WWP1: variants seen among roughly 807,000 people sequenced by gnomAD.
The protein encoded by WWP1 is WW domain containing E3 ubiquitin protein ligase 1, also known as NEDD4-like E3 ubiquitin-protein ligase WWP1.
Under a neutral mutation model 130.6 loss-of-function variants are expected in WWP1, and 49 were observed. The observed-to-expected ratio is 0.38, with a 90% CI of 0.30 to 0.48. The LOEUF (loss-of-function observed/expected upper bound fraction) is 0.48. Among genes scored for constraint, WWP1 ranks in the 20% least tolerant of loss-of-function variants. The pLI is 0.99. For synonymous variants in WWP1, 332 were observed against 367.8 expected (o/e 0.90, Z 1.11); for missense variants, 809 against 1,100.6 (o/e 0.74, Z 3.75).
rs1809973681 is a variant in WWP1, at chr8:86,431,489, G to T, written c.1471G>T (p.Gly491Cys). The T allele has an allele frequency of 6.2e-7, 1 of 1,611,504 alleles. No homozygotes were observed. Among genetic ancestry groups the T allele is most frequent in the African/African-American group, 1.3e-5 (1 of 74,730 alleles). The change falls in exon 13 of 25, where the codon GGC becomes TGC. Residue 491 changes from glycine to cysteine, a missense_variant and splice_region_variant. By Grantham distance (159) the Gly-to-Cys change is radical. This residue lies in a region of WWP1 where 450 missense variants were observed against 674.2 expected (regional missense o/e 0.67). Coordinates refer to ENST00000517970, the MANE Select transcript of WWP1 (RefSeq NM_007013.4). ...CCAGTGGGAAGATCCAAGAACTCAA[G>T]GGTATGTATATACAGCAGCCTTAAG... is the stretch of plus-strand genomic sequence containing the variant. ...TTQWEDPRTQ[G>C]LQNEEPLPEG...
chr8:86,458,041 T>G lies in WWP1; in HGVS notation c.2499+16T>G. 1.9e-6 allele frequency: 3 copies of G among 1,595,586 alleles called. No homozygotes were observed. Among genetic ancestry groups the G allele is most frequent in the Non-Finnish European group, 2.6e-6 (3 of 1,165,108 alleles). On this transcript the variant is annotated intron_variant, in intron 22 of 24. Transcript: ENST00000517970. ...GTTTTGGCAGGTATTTGCTTTTATCTTTTTTGAAACAAAGTACTCAACATA... is the reference window on the plus strand; with the variant it reads ...GTTTTGGCAGGTATTTGCTTTTATCGTTTTTGAAACAAAGTACTCAACATA...
chr8:86,464,852 G>C (rs61106663), intron 24 of WWP1, among the ~76,000 whole-genome samples: 40,988 of 151,894 alleles, frequency 0.27, 6,392 homozygotes, highest in East Asian at 0.53. Flanking sequence ...GGAGTCCTGT[G>C]ACCAAAATTT....
chr8:86,354,946 TA>T (rs1554552267), intron 1 of WWP1, among the ~76,000 whole-genome samples: 2 of 152,044 alleles, frequency 1.3e-5, no homozygotes, highest in Non-Finnish European at 2.9e-5. Flanking sequence ...CACCTTTTTT[TA>T]AAAAAACCCT....
chr8:86,456,906 A>C (rs1356717894), intron 21 of WWP1, among the ~76,000 whole-genome samples: 1 of 151,996 alleles, frequency 6.6e-6, no homozygotes, highest in African/African-American at 2.4e-5. Context: ...TATATATGAC[A>C]TTCTTAAAAG....
At chr8:86,362,635 A>T (rs1823737964) in intron 1 of WWP1, among the ~76,000 whole-genome samples, 1 of 152,072 alleles carries the variant, frequency 6.6e-6, no homozygotes, top group Admixed American at 6.6e-5. Context: ...CTGTTTGATG[A>T]CCAAAAAAGG....
intron 8 of WWP1, among the ~76,000 whole-genome samples, chr8:86,409,107 C>T (rs1046957579): frequency 6.6e-5 from 10 of 151,628 alleles, no homozygotes; most frequent in Non-Finnish European, 1.5e-4. Context: ...ATATTCTTTC[C>T]AATGTTGTTA....
chr8:86,462,344 C>A (rs1811814726), intron 24 of WWP1, among the ~76,000 whole-genome samples: 1 of 152,066 alleles, frequency 6.6e-6, no homozygotes, highest in South Asian at 2.1e-4. Flanking sequence ...AAAGAGCATT[C>A]TTTGAACAGA....
chr8:86,460,474 A>G (rs576400350), intron 22 of WWP1, among the ~76,000 whole-genome samples: 48 of 152,314 alleles, frequency 3.2e-4, no homozygotes, highest in Non-Finnish European at 5.9e-4. Flanking sequence ...GATTCTACCT[A>G]TCTCATAGAA....
Position 86,467,492 on chromosome 8 carries a change from T to TA in WWP1, c.*600dup, listed in dbSNP as rs1812241765. 6.6e-6 allele frequency: 1 copy of TA among 152,542 alleles called. No homozygotes were observed. The highest frequency in any genetic ancestry group is 1.9e-4 in the East Asian group (1 of 5,194). The allele number at this position is 152,542 out of a possible 1,614,324, so 9.4% of individuals were successfully genotyped here. A position where few individuals can be genotyped will look rare whatever the true frequency, so the allele number is the denominator to read the frequency against. The stretch of plus-strand genomic sequence containing the variant: ...ACAATAGTTGAAAATTTTTCTCTGT[T>TA]ACATCAGTAATATTGTTAAAGTAAT... On this transcript the variant is annotated 3_prime_UTR_variant, in exon 25 of 25. Coordinates refer to ENST00000517970, the MANE Select transcript of WWP1 (RefSeq NM_007013.4).
Position 86,444,673 on chromosome 8 carries a change from A to G in WWP1, c.1998+1895A>G, listed in dbSNP as rs1021384387. Among the ~76,000 whole-genome samples, 6 of 152,302 alleles carry G rather than the reference A, an allele frequency of 3.9e-5. No individual in the cohort carries two copies. The East Asian group carries it at 1.2e-3, about 29-fold the overall frequency. ...TGAGCAAGATGAAGCCTGGGATTTG[A>G]CCATTGTATCTGCAAAGGTGAAAGT... On this transcript the variant is annotated intron_variant, in intron 18 of 24. Transcript: ENST00000517970.
Position 86,402,094 on chromosome 8 carries a change from G to T in WWP1, c.615G>T (p.Ser205=), listed in dbSNP as rs780130440. The part of the protein sequence containing the change: ...TSTLVQNSCC[S]YVVNGDNTPS... ...CTCTAGTCCAAAACTCATGCTGCTCGTATGTAGTTAATGGAGACAACACAC... is the reference window on the plus strand; with the variant it reads ...CTCTAGTCCAAAACTCATGCTGCTCTTATGTAGTTAATGGAGACAACACAC... Residue 205 remains serine, a synonymous_variant, in exon 8 of 25, where the codon TCG becomes TCT. Coordinates refer to ENST00000517970, the MANE Select transcript of WWP1 (RefSeq NM_007013.4). 3.7e-6 allele frequency: 6 copies of T among 1,613,522 alleles called. No homozygotes were observed. The highest frequency in any genetic ancestry group is 5.1e-6 in the Non-Finnish European group (6 of 1,179,774).
At chr8:86,366,318 G>T (rs985601169) in intron 1 of WWP1, among the ~76,000 whole-genome samples, 1 of 152,222 alleles carries the variant, frequency 6.6e-6, no homozygotes, top group Non-Finnish European at 1.5e-5. Flanking sequence ...GATGGCTTGG[G>T]GTATGATGGC....
chr8:86,373,150 T>A (rs1477003877), intron 2 of WWP1, among the ~76,000 whole-genome samples: 1 of 151,852 alleles, frequency 6.6e-6, no homozygotes, highest in African/African-American at 2.4e-5. Flanking sequence ...ATTCTATTTA[T>A]AGTTTTCAAA....
chr8:86,395,282 G>A (rs1586346111), intron 5 of WWP1, among the ~76,000 whole-genome samples: 1 of 152,150 alleles, frequency 6.6e-6, no homozygotes, highest in South Asian at 2.1e-4. Flanking sequence ...GCCGCATATG[G>A]TTTCTGTTAT....
intron 3 of WWP1, among the ~76,000 whole-genome samples, chr8:86,376,283 A>T (rs1188507579): frequency 6.6e-6 from 1 of 152,188 alleles, no homozygotes; most frequent in East Asian, 1.9e-4. Context: ...ATAAGAAAAA[A>T]CTAGGCCAGG....
intron 9 of WWP1, among the ~76,000 whole-genome samples, chr8:86,419,509 T>C (rs1285861543): frequency 6.6e-6 from 1 of 152,090 alleles, no homozygotes; most frequent in Admixed American, 6.5e-5. Context: ...GCTATAAAAA[T>C]GGAATACTCA....
intron 9 of WWP1, among the ~76,000 whole-genome samples, chr8:86,419,286 C>T (rs1030224673): frequency 6.6e-6 from 1 of 152,124 alleles, no homozygotes; most frequent in African/African-American, 2.4e-5. Flanking sequence ...GGCATGGTGG[C>T]ACGCGCCTGT....
chr8:86,378,817 G>A (rs1164626425), intron 3 of WWP1, among the ~76,000 whole-genome samples: 3 of 152,130 alleles, frequency 2.0e-5, no homozygotes, highest in Non-Finnish European at 4.4e-5. Flanking sequence ...ACTCAGAGAA[G>A]AGTTAATACT....
chr8:86,459,564 A>T (rs962969542), intron 22 of WWP1, among the ~76,000 whole-genome samples: 3 of 152,202 alleles, frequency 2.0e-5, no homozygotes, highest in Non-Finnish European at 2.9e-5. Flanking sequence ...TTGGAGGCAA[A>T]GGTAGGAAAG....
Sources: gnomAD v4.1 joint callset for allele counts (sites outside exome capture counted in the v4.1 genomes callset) on GRCh38, gnomAD v4.1.1 for gene constraint, gnomAD v4.1.1 regional missense constraint, MANE v1.5 for transcripts, NCBI Gene and HGNC (gene_info 2026-07-23, HGNC 2026-07-21) for gene names.